CCDC142: variants seen among roughly 807,000 people sequenced by gnomAD.
CCDC142 encodes coiled-coil domain containing 142, also known as coiled-coil domain-containing protein 142.
CCDC142 carries 67 observed loss-of-function variants against 83.8 expected under a neutral mutation model. The observed-to-expected ratio is 0.80, with a 90% CI of 0.66 to 0.98. The LOEUF (loss-of-function observed/expected upper bound fraction) is 0.98, where lower values mean the gene tolerates loss of function less well. CCDC142 is among the 50% of genes least tolerant of loss of function. CCDC142 has a pLI of 0.00. For synonymous variants in CCDC142, 421 were observed against 421.2 expected (o/e 1.00, Z 0.01); for missense variants, 905 against 946.8 (o/e 0.96, Z 0.58).
At chr2:74,479,518 G>C (rs1672398073) in intron 5 of CCDC142, among the ~76,000 whole-genome samples, 1 of 152,160 alleles carries the variant, frequency 6.6e-6, no homozygotes, top group Non-Finnish European at 1.5e-5. Flanking sequence ...AGGTGAGTGA[G>C]GGCAAACAAA....
In CCDC142 at chr2:74,481,362, C is replaced by G; in HGVS notation, c.1119G>C (p.Gln373His). The change falls in exon 3 of 9, where the codon CAG becomes CAC. Residue 373 changes from glutamine (Q) to histidine (H), a missense_variant. Gln to His is a conservative substitution (Grantham distance 24). This residue lies in a region of CCDC142 where 591 missense variants were observed against 571.4 expected (regional missense o/e 1.03). Transcript: ENST00000393965. The part of the protein sequence containing the change: ...LIWSWDQGFC[Q>H]ALGSALGGQS... ...GACCCCCAAGAGCTGATCCCAAGGC[C>G]TGGCAGAAACCTGAGGATGAGAGAG... 6.2e-7 allele frequency: 1 copy of G among 1,614,116 alleles called. No individual in the cohort carries two copies. The highest frequency in any genetic ancestry group is 1.3e-5 in the African/African-American group (1 of 75,040).
At chr2:74,480,115 G>A (rs551219946) in intron 5 of CCDC142, among the ~76,000 whole-genome samples, 1 of 152,186 alleles carries the variant, frequency 6.6e-6, no homozygotes, top group Admixed American at 6.5e-5. Context: ...ATAATGAATC[G>A]AGGCAATGAT....
Position 74,482,383 on chromosome 2 carries a change from G to C in CCDC142, c.455C>G (p.Ala152Gly), listed in dbSNP as rs779997411. 6 of 1,577,402 alleles carry C rather than the reference G, an allele frequency of 3.8e-6. No individual in the cohort carries two copies. In the African/African-American group the frequency reaches 8.0e-5, roughly 21 times the overall value. The change falls in exon 1 of 9, where the codon GCG becomes GGG. Residue 152 changes from alanine to glycine, a missense_variant. By Grantham distance (60) the Ala-to-Gly change is moderately conservative. Around this residue, in one of 3 missense-constraint regions of CCDC142, gnomAD observed 591 missense variants for 571.4 expected, o/e 1.03. Transcript: ENST00000393965. This position sits in a 1 kb window ranked among gnomAD's most constrained non-coding sequence, Gnocchi z 5.0. Reference sequence around the variant, plus strand: ...CTCCCCAGGGCCGATTCGCAGAACCGCCCCTTGGGAAGGGTGCAGCTGCAG... The same window carrying C: ...CTCCCCAGGGCCGATTCGCAGAACCCCCCCTTGGGAAGGGTGCAGCTGCAG... ...RDLQLHPSQG[A>G]VLRIGPGETL...
rs1558571409 is a variant in CCDC142 at position 74,474,585 on chromosome 2, C to G, written c.2214G>C (p.Leu738=). ...TGGTTCCCAGGCAGGAAAAAAACGG[C>G]AGGTGCCAACGGGGTCGCTGGTGTT... ...LRQHQRPRWH[L]PFFSCLGTSP... Residue 738 remains leucine (L), a synonymous_variant, in exon 9 of 9, where the codon CTG becomes CTC. Transcript: ENST00000393965. 1 of 1,613,890 alleles carries G rather than the reference C, an allele frequency of 6.2e-7. No homozygotes were observed.
intron 5 of CCDC142, 82 bp from the exon 6 acceptor site, chr2:74,475,808 A>T: frequency 1.2e-6 from 1 of 843,778 alleles, no homozygotes; most frequent in Non-Finnish European, 1.9e-6. Context: ...GTCCAACTTG[A>T]CATCCATAAA....
Position 74,472,997 on chromosome 2 carries a change from G to A in CCDC142, c.*1549C>T, listed in dbSNP as rs1333361049. On this transcript the variant is annotated 3_prime_UTR_variant, in exon 9 of 9. Transcript: ENST00000393965. ...TGCAGCCTTTCCCCTTCTGTACCCT[G>A]CTGGGCCACATCTAGGCTAACTCGA... The A allele has an allele frequency of 2.6e-6, 1 of 384,034 alleles. No homozygotes were observed. Among genetic ancestry groups the A allele is most frequent in the Non-Finnish European group, 4.9e-6 (1 of 205,738 alleles). 23.8% of individuals were successfully genotyped at this position (384,034 alleles called of 1,614,324 possible).
At chr2:74,479,552 T>G (rs1672399182) in intron 5 of CCDC142, among the ~76,000 whole-genome samples, 1 of 152,220 alleles carries the variant, frequency 6.6e-6, no homozygotes, top group African/African-American at 2.4e-5. Context: ...ATTAGTTTTA[T>G]AAAATAATAT....
rs1011396260 is a variant in CCDC142, at chr2:74,475,318, G to A, written c.1703C>T (p.Pro568Leu). 3.1e-6 allele frequency: 5 copies of A among 1,613,812 alleles called. No individual in the cohort carries two copies. Among genetic ancestry groups the A allele is most frequent in the African/African-American group, 1.3e-5 (1 of 74,934 alleles). ...EPVLQGLQGL[P>L]PQAQAPALGQ... ...AAGGGCAGGGGCCTGGGCTTGAGGT[G>A]GCAACCCTTGCAATCCTTGCAACAC... The change falls in exon 7 of 9, where the codon CCA (proline) becomes CTA (leucine). Residue 568 changes from proline to leucine, a missense_variant. By Grantham distance (98) the Pro-to-Leu change is moderately conservative. Transcript: ENST00000393965.
rs569709414 is a variant in CCDC142, at chr2:74,482,889, C to G, written c.-52G>C. On this transcript the variant is annotated 5_prime_UTR_variant, in exon 1 of 9. Transcript: ENST00000393965. The surrounding 1 kb of genome is among the most constrained non-coding windows in gnomAD (Gnocchi z 5.0). ...ACGATTCCCACTTCCCTGCACGGAC[C>G]AACGCCCGCCGCAGCTCGGACTTCG... 1 of 1,567,496 alleles carries G rather than the reference C, an allele frequency of 6.4e-7. No homozygotes were observed. The highest frequency in any genetic ancestry group is 2.2e-5 in the East Asian group (1 of 44,530).
chr2:74,474,707 C>A lies in CCDC142; in HGVS notation c.2092G>T (p.Ala698Ser). The A allele has an allele frequency of 3.7e-6, 6 of 1,614,208 alleles. No homozygotes were observed. The highest frequency in any genetic ancestry group is 4.2e-6 in the Non-Finnish European group (5 of 1,180,036). ...EPPLQPGTSP[A>S]QTGQLQSTLG... is the part of the protein sequence containing the mutation. ...GTGCTTTGCAGCTGACCTGTCTGGG[C>A]TGGAGATGTTCCAGGCTGGAGCGGG... The change falls in exon 9 of 9, where the codon GCC (alanine) becomes TCC (serine). Residue 698 changes from alanine (A) to serine (S), a missense_variant. Transcript: ENST00000393965.
At position 74,475,088 on chromosome 2, in the gene CCDC142, T is replaced by C. The variant is rs1672289674; in HGVS notation, c.1824A>G (p.Gln608=). Residue 608 remains glutamine, a synonymous_variant, in exon 8 of 9, where the codon CAA becomes CAG. Coordinates refer to ENST00000393965, the MANE Select transcript of CCDC142 (RefSeq NM_001365575.2). ...GCAACTCCCTGACCACTCCAAAGTCTTGTTTGAGCTGCAGCGCTCCCTGCA... is the reference window on the plus strand; with the variant it reads ...GCAACTCCCTGACCACTCCAAAGTCCTGTTTGAGCTGCAGCGCTCCCTGCA... ...FSLQGALQLK[Q]DFGVVRELLE... 1 of 1,612,208 alleles carries C rather than the reference T, an allele frequency of 6.2e-7. No homozygotes were observed. Among genetic ancestry groups the C allele is most frequent in the Non-Finnish European group, 8.5e-7 (1 of 1,178,906 alleles).
chr2:74,478,972 G>A (rs968976761), intron 5 of CCDC142, among the ~76,000 whole-genome samples: 1 of 149,416 alleles, frequency 6.7e-6, no homozygotes, highest in Non-Finnish European at 1.5e-5. Flanking sequence ...GTTGCAGTGA[G>A]TAGAGATCAC....
rs1221093048 is a variant in CCDC142, at chr2:74,475,291, C to A, written c.1730G>T (p.Gly577Val). 2.5e-6 allele frequency: 4 copies of A among 1,614,094 alleles called. No homozygotes were observed. Among genetic ancestry groups the A allele is most frequent in the African/African-American group, 1.3e-5 (1 of 74,940 alleles). The change falls in exon 7 of 9, where the codon GGT (glycine) becomes GTT (valine). Residue 577 changes from glycine to valine, a missense_variant. By Grantham distance (109) the Gly-to-Val change is moderately radical. Transcript: ENST00000393965. ...ACCCACGATGGCCGTCAGAGCCTGACCAAGGGCAGGGGCCTGGGCTTGAGG... is the reference window on the plus strand; with the variant it reads ...ACCCACGATGGCCGTCAGAGCCTGAACAAGGGCAGGGGCCTGGGCTTGAGG... ...LPPQAQAPAL[G>V]QALTAIVGAW...
intron 5 of CCDC142, among the ~76,000 whole-genome samples, chr2:74,476,902 A>G (rs952098065): frequency 6.6e-6 from 1 of 152,228 alleles, no homozygotes; most frequent in Non-Finnish European, 1.5e-5. Context: ...GGCACATCTG[A>G]CAACCTGTCT....
intron 6 of CCDC142, 71 bp from the exon 7 acceptor site, chr2:74,475,473 G>C: frequency 6.6e-7 from 1 of 1,507,514 alleles, no homozygotes; most frequent in Non-Finnish European, 9.0e-7. Flanking sequence ...TTTGGGAGAA[G>C]AGGGTAGGAT....
chr2:74,482,834 C>A lies in CCDC142; in HGVS notation c.4G>T (p.Ala2Ser). M[A>S]QASRSGSLPP... ...AGGCTACCTGAGCGAGACGCCTGGG[C>A]CATGGGGCGGCGGGTCCAGAACGAA... Residue 2 changes from alanine (A) to serine (S), a missense_variant, in exon 1 of 9, where the codon GCC becomes TCC. By Grantham distance (99) the Ala-to-Ser change is moderately conservative. Transcript: ENST00000393965. This position sits in a 1 kb window ranked among gnomAD's most constrained non-coding sequence, Gnocchi z 5.0. The A allele has an allele frequency of 6.3e-7, 1 of 1,597,818 alleles. No individual in the cohort carries two copies. Among genetic ancestry groups the A allele is most frequent in the Non-Finnish European group, 8.5e-7 (1 of 1,178,944 alleles).
At chr2:74,480,024 T>C (rs1672407051) in intron 5 of CCDC142, among the ~76,000 whole-genome samples, 1 of 152,236 alleles carries the variant, frequency 6.6e-6, no homozygotes, top group Admixed American at 6.5e-5. Flanking sequence ...GGCAAGTTTT[T>C]CTTCATAGGA....
intron 5 of CCDC142, among the ~76,000 whole-genome samples, chr2:74,480,334 A>T (rs1194137757): frequency 6.6e-6 from 1 of 152,164 alleles, no homozygotes; most frequent in Non-Finnish European, 1.5e-5. Flanking sequence ...CATGCCTGTA[A>T]TCCCAGCACT....
rs1271603759 is a variant in CCDC142, at chr2:74,473,777, T to A, written c.*769A>T. On this transcript the variant is annotated 3_prime_UTR_variant, in exon 9 of 9. Transcript: ENST00000393965. ...AGTGATCTTGGATTTTTTTTTTTTT[T>A]TTTTTTTTTTTTGAGACGAAGTTTT... 6.8e-6 allele frequency: 1 copy of A among 146,260 alleles called. No homozygotes were observed. Among genetic ancestry groups the A allele is most frequent in the East Asian group, 2.1e-4 (1 of 4,842 alleles). The allele number at this position is 146,260 out of a possible 1,614,324, so 9.1% of individuals were successfully genotyped here.
Sources: allele counts gnomAD v4.1 joint callset (sites outside exome capture counted in the v4.1 genomes callset), GRCh38; gene constraint gnomAD v4.1.1; regional missense constraint gnomAD v4.1.1; non-coding constraint Gnocchi (gnomAD v3.1); transcripts MANE v1.5; gene names NCBI Gene and HGNC (gene_info 2026-07-23, HGNC 2026-07-21).